Variants in METTL22 observed in about 807,000 individuals in gnomAD.
The protein encoded by METTL22 is methyltransferase-like protein 22.
METTL22 carries 51 observed loss-of-function variants against 48.4 expected under a neutral mutation model. The observed-to-expected ratio is 1.05, with a 90% confidence interval of 0.84 to 1.33. METTL22 has a LOEUF of 1.33. METTL22 is among the 40% of genes most tolerant of loss of function. The pLI, the probability that METTL22 is intolerant of heterozygous loss-of-function variation, is 0.00. For missense variants in METTL22, 678 were observed against 526.9 expected (o/e 1.29, Z -2.81); for synonymous variants, 255 against 214.1 (o/e 1.19, Z -1.67).
Position 8,628,896 on chromosome 16 carries a change from CCA to C in METTL22, c.301_302del (p.Gln101GlyfsTer4), listed in dbSNP as rs775232485. 1 of 1,613,924 alleles carries C rather than the reference CCA, an allele frequency of 6.2e-7. No individual in the cohort carries two copies. The highest frequency in any genetic ancestry group is 1.3e-5 in the African/African-American group (1 of 74,956). On this transcript the variant is annotated frameshift_variant, in exon 3 of 11. Transcript: ENST00000381920. LOFTEE classifies it high-confidence loss of function. ...GCCATGGTAATGAGGGTTTCTCCCT[CCA>C]GGCCGGGACTGACACCACTGGCCAG... ...SGHGNEGFSLQAGTDTTGQEV... is the reference protein window; with the variant it reads ...SGHGNEGFSLXAGTDTTGQEV...
chr16:8,635,499 C>G (rs1641041), intron 5 of METTL22, among the ~76,000 whole-genome samples, 187 bp downstream of exon 5: 150,418 of 152,308 alleles, frequency 0.99, 74,311 homozygotes, highest in Middle Eastern at 1. Flanking sequence ...CCAGCAATAC[C>G]CACTCAGCAG....
the METTL22 span, among the ~76,000 whole-genome samples, chr16:8,664,888 G>A: frequency 6.6e-6 from 1 of 152,132 alleles, no homozygotes; most frequent in Non-Finnish European, 1.5e-5. Flanking sequence ...AGGTGCTCAG[G>A]AAATCAGAAT....
In METTL22 at chr16:8,625,574, G is replaced by A. The variant is rs1303311568; in HGVS notation, c.-92G>A. 7.4e-7 allele frequency: 1 copy of A among 1,357,472 alleles called. No homozygotes were observed. Among genetic ancestry groups the A allele is most frequent in the African/African-American group, 1.4e-5 (1 of 69,932 alleles). The allele number at this position is 1,357,472 out of a possible 1,614,324, so 84.1% of individuals were successfully genotyped here. On this transcript the variant is annotated 5_prime_UTR_variant, in exon 2 of 11. Transcript: ENST00000381920. ...AGCTACTCGCTACCAGCTTGGACCT[G>A]TCTGCAGTATCTCCTCTGGGACCTG... is the stretch of plus-strand genomic sequence containing the variant.
At chr16:8,660,892 G>A in the METTL22 span, among the ~76,000 whole-genome samples, 1,676 of 135,262 alleles carry the variant, frequency 0.012, 126 homozygotes, top group African/African-American at 0.046. Context: ...AGGAGGAGGA[G>A]GAGGAGGAGG....
chr16:8,644,358 T>C, intron 9 of METTL22, 199 bp from the exon 10 acceptor site: 1 of 528,298 alleles, frequency 1.9e-6, no homozygotes, highest in Non-Finnish European at 3.4e-6. Context: ...TGTAAAGTGC[T>C]ATCCACTTCC....
At chr16:8,645,014 G>C in intron 10 of METTL22, 1 of 245,588 alleles carries the variant, frequency 4.1e-6, no homozygotes, top group Non-Finnish European at 7.8e-6. Context: ...AGGCAAGACC[G>C]AGGCAGAGGT....
At chr16:8,651,791 A>T (rs1641086), downstream of METTL22, among the ~76,000 whole-genome samples, 150,411 of 152,310 alleles carry the variant, frequency 0.99, 74,303 homozygotes, top group Middle Eastern at 1. Flanking sequence ...TTTTGTTCTT[A>T]CTCATAAGTG....
Position 8,629,128 on chromosome 16 carries a change from G to A in METTL22, c.514+18G>A, listed in dbSNP as rs1161719123. The stretch of plus-strand genomic sequence containing the variant: ...CAGAATAGGTAAATAGAGGTGTGAT[G>A]TGGCCCACCTGTCACCAAGGCAACT... On this transcript the variant is annotated intron_variant, in intron 3 of 10. Coordinates refer to ENST00000381920, the MANE Select transcript of METTL22 (RefSeq NM_024109.4). 1.2e-6 allele frequency: 2 copies of A among 1,602,970 alleles called. No individual in the cohort carries two copies. The highest frequency in any genetic ancestry group is 2.2e-5 in the East Asian group (1 of 44,762).
Position 8,635,023 on chromosome 16 carries a change from T to G in METTL22, c.515-16T>G. ...ATTTCACAGTGGGCATTTCTCTTGG[T>G]TTCTGTCCCATCCAGAGCACACCAT... On this transcript the variant is annotated splice_polypyrimidine_tract_variant and intron_variant, in intron 3 of 10. Transcript: ENST00000381920. The G allele has an allele frequency of 6.2e-7, 1 of 1,613,230 alleles. No homozygotes were observed. The highest frequency in any genetic ancestry group is 8.5e-7 in the Non-Finnish European group (1 of 1,180,040).
At position 8,625,536 on chromosome 16, in the gene METTL22, C is replaced by G; in HGVS notation, c.-130C>G. The G allele has an allele frequency of 1.4e-6, 1 of 724,916 alleles. No homozygotes were observed. The highest frequency in any genetic ancestry group is 2.1e-6 in the Non-Finnish European group (1 of 473,476). The allele number at this position is 724,916 out of a possible 1,614,324, so 44.9% of individuals were successfully genotyped here. A position where few individuals can be genotyped will look rare whatever the true frequency, so the allele number is the denominator to read the frequency against. ...TGGCCAAGTCTCTGAGATCTTCTCC[C>G]AGGGCGATGCAAAGCTACTCGCTAC... On this transcript the variant is annotated 5_prime_UTR_variant, in exon 2 of 11. Coordinates refer to ENST00000381920, the MANE Select transcript of METTL22 (RefSeq NM_024109.4).
the METTL22 span, among the ~76,000 whole-genome samples, chr16:8,663,702 G>C: frequency 1.3e-5 from 2 of 152,340 alleles, no homozygotes; most frequent in African/African-American, 2.4e-5. Context: ...CCATTTTACA[G>C]ATGAAGCAAC....
rs139144645 is a variant in METTL22, at chr16:8,632,904, A to C, written c.515-2135A>C. Among the ~76,000 whole-genome samples the C allele has an allele frequency of 3.8e-3, 586 of 152,274 alleles. 3 individuals carry two copies. The highest frequency in any genetic ancestry group is 6.6e-3 in the Non-Finnish European group (452 of 68,026). On this transcript the variant is annotated intron_variant, in intron 3 of 10. Coordinates refer to ENST00000381920, the MANE Select transcript of METTL22 (RefSeq NM_024109.4). ...CTGGGAGGCAGAACTTACGTCCACG[A>C]GACCCCTGGAAGGAAGTGACCAATC...
downstream of METTL22, among the ~76,000 whole-genome samples, chr16:8,652,670 A>G (rs2056916478): frequency 2.1e-5 from 1 of 48,096 alleles, no homozygotes; most frequent in African/African-American, 7.8e-5. Flanking sequence ...TAAAACAAAT[A>G]ATTATTTTAA....
rs2056603923 is a variant in METTL22 at position 8,641,161 on chromosome 16, G to A, written c.803G>A (p.Trp268Ter). Residue 268 changes from tryptophan to a stop codon, truncating the protein, a stop_gained, in exon 7 of 11, where the codon TGG becomes TAG. Transcript: ENST00000381920. LOFTEE classifies it high-confidence loss of function. ...GGIVRVKELD[W>*]LKDDLCTDPK... ...ATAGTTAGGGTCAAAGAACTGGACTGGCTGAAGGACGACCTCTGCACAGGT... is the reference window on the plus strand; with the variant it reads ...ATAGTTAGGGTCAAAGAACTGGACTAGCTGAAGGACGACCTCTGCACAGGT... The A allele has an allele frequency of 1.2e-6, 2 of 1,614,038 alleles. No homozygotes were observed. Among genetic ancestry groups the A allele is most frequent in the Non-Finnish European group, 1.7e-6 (2 of 1,179,990 alleles).
chr16:8,642,669 C>A, intron 9 of METTL22, 104 bp downstream of exon 9: 1 of 1,091,918 alleles, frequency 9.2e-7, no homozygotes, highest in Non-Finnish European at 1.4e-6. Context: ...TTACTCAGTG[C>A]CACTTATTGA....
At chr16:8,633,261 C>G (rs552371413) in intron 3 of METTL22, among the ~76,000 whole-genome samples, 1 of 152,162 alleles carries the variant, frequency 6.6e-6, no homozygotes, top group East Asian at 1.9e-4. Flanking sequence ...AAACCGTGTC[C>G]CTGGCATGGT....
the METTL22 span, among the ~76,000 whole-genome samples, chr16:8,659,286 G>A: frequency 0.017 from 2,510 of 151,464 alleles, 69 homozygotes; most frequent in South Asian, 0.12. Context: ...AGCCAAGATT[G>A]CGCCTCTGTA....
chr16:8,645,359 T>G (rs1313902864), intron 10 of METTL22, among the ~76,000 whole-genome samples: 1 of 152,162 alleles, frequency 6.6e-6, no homozygotes, highest in East Asian at 1.9e-4. Context: ...TCGTGTGGTT[T>G]TGTGTGCGAG....
Position 8,635,177 on chromosome 16 carries a change from G to A in METTL22, c.565G>A (p.Gly189Ser). Reference sequence around the variant, plus strand: ...GTCCTCTTCCCTCCAGGTGTGGCGGGGCGCCCTGCTCCTGGCAGACTACAT... The same window carrying A: ...GTCCTCTTCCCTCCAGGTGTGGCGGAGCGCCCTGCTCCTGGCAGACTACAT... The part of the protein sequence containing the change: ...LEDVGKQVWR[G>S]ALLLADYILF... Residue 189 changes from glycine (G) to serine (S), a missense_variant, in exon 5 of 11, where the codon GGC (glycine) becomes AGC (serine). By Grantham distance (56) the Gly-to-Ser change is moderately conservative. Coordinates refer to ENST00000381920, the MANE Select transcript of METTL22 (RefSeq NM_024109.4). The A allele has an allele frequency of 6.2e-7, 1 of 1,611,342 alleles. No individual in the cohort carries two copies. The highest frequency in any genetic ancestry group is 8.5e-7 in the Non-Finnish European group (1 of 1,178,432).
Sources: gnomAD v4.1 joint callset for allele counts (sites outside exome capture counted in the v4.1 genomes callset) on GRCh38, gnomAD v4.1.1 for gene constraint, MANE v1.5 for transcripts, NCBI Gene and HGNC (gene_info 2026-07-23, HGNC 2026-07-21) for gene names.